Variants in SGCD observed in about 807,000 individuals in gnomAD.
The protein encoded by SGCD is sarcoglycan delta, also known as delta-sarcoglycan.
SGCD carries 18 observed loss-of-function variants against 36.6 expected under a neutral mutation model. The observed-to-expected ratio is 0.49, with a 90% confidence interval of 0.34 to 0.73. The LOEUF (loss-of-function observed/expected upper bound fraction) is 0.73. Among genes scored for constraint, SGCD ranks in the 30% least tolerant of loss-of-function variants. SGCD has a pLI of 0.01. For missense variants in SGCD, 387 were observed against 346.7 expected (o/e 1.12, Z -0.92); for synonymous variants, 133 against 130.6 (o/e 1.02, Z -0.12).
intron 6 of SGCD, among the ~76,000 whole-genome samples, chr5:156,606,104 A>C (rs983912891): frequency 3.3e-5 from 5 of 152,198 alleles, no homozygotes. Flanking sequence ...GGTGTTTTAG[A>C]CATGAAGTCC....
At chr5:155,812,094 A>G in the SGCD span, among the ~76,000 whole-genome samples, 4 of 152,228 alleles carry the variant, frequency 2.6e-5, no homozygotes. Flanking sequence ...TGGAAACAGG[A>G]CGTGAAGCTA....
chr5:156,483,412 A>G (rs1311820184), intron 3 of SGCD, among the ~76,000 whole-genome samples: 1 of 152,168 alleles, frequency 6.6e-6, no homozygotes, highest in Admixed American at 6.5e-5. Context: ...CCCAAGGTTG[A>G]GGGGAGAGAA....
chr5:155,918,875 G>A (rs953616296), intron 1 of SGCD, among the ~76,000 whole-genome samples: 8 of 152,140 alleles, frequency 5.3e-5, no homozygotes, highest in African/African-American at 1.9e-4. Flanking sequence ...GCTTCATAAA[G>A]AATATGTGTA....
intron 2 of SGCD, among the ~76,000 whole-genome samples, chr5:156,335,675 C>A (rs140948337): frequency 0.013 from 1,947 of 152,282 alleles, 49 homozygotes; most frequent in African/African-American, 0.045. Flanking sequence ...GCCCTCCAAG[C>A]CTTCTATCCT....
At chr5:156,752,074 T>C (rs563714449) in intron 7 of SGCD, among the ~76,000 whole-genome samples, 1 of 152,270 alleles carries the variant, frequency 6.6e-6, no homozygotes, top group East Asian at 1.9e-4. Context: ...ATGGTAACAC[T>C]AGGGAAATGG....
chr5:156,260,572 A>T (rs1273180606), intron 3 of SGCD, among the ~76,000 whole-genome samples: 3 of 152,114 alleles, frequency 2.0e-5, no homozygotes, highest in Non-Finnish European at 2.9e-5. Flanking sequence ...TGCTAAATTT[A>T]CTTATTAGCT....
chr5:156,735,796 C>T (rs1183526271), intron 7 of SGCD, among the ~76,000 whole-genome samples: 1 of 152,168 alleles, frequency 6.6e-6, no homozygotes, highest in Admixed American at 6.5e-5. Flanking sequence ...GTCTAACCTC[C>T]TGCTTTGCCA....
chr5:156,648,204 C>T (rs1001211759), intron 7 of SGCD, among the ~76,000 whole-genome samples: 1 of 151,306 alleles, frequency 6.6e-6, no homozygotes, highest in Non-Finnish European at 1.5e-5. Flanking sequence ...ACAAATAGAA[C>T]TATTCTTTCT....
the SGCD span, among the ~76,000 whole-genome samples, chr5:155,765,307 AAAGG>A: frequency 5.3e-5 from 8 of 150,908 alleles, no homozygotes; most frequent in South Asian, 2.1e-4. Flanking sequence ...AAAGAAAGAA[AAAGG>A]AAGGAAGGAA....
At chr5:156,551,126 C>A (rs1758775312) in intron 4 of SGCD, among the ~76,000 whole-genome samples, 1 of 152,188 alleles carries the variant, frequency 6.6e-6, no homozygotes, top group African/African-American at 2.4e-5. Context: ...ACAGTCATCT[C>A]TTACCTCAAG....
intron 6 of SGCD, among the ~76,000 whole-genome samples, chr5:156,611,446 C>T (rs1014960745): frequency 2.6e-5 from 4 of 152,138 alleles, no homozygotes; most frequent in African/African-American, 9.7e-5. Flanking sequence ...TTCTACCCTG[C>T]CCTGCAAGGT....
chr5:156,597,992 G>T (rs543355274), intron 6 of SGCD, among the ~76,000 whole-genome samples: 1 of 152,202 alleles, frequency 6.6e-6, no homozygotes, highest in East Asian at 1.9e-4. Flanking sequence ...CCCTATACTT[G>T]CTGTGGCCTC....
intron 1 of SGCD, among the ~76,000 whole-genome samples, chr5:156,084,015 C>G (rs955103599): frequency 1.3e-5 from 2 of 152,046 alleles, no homozygotes; most frequent in African/African-American, 2.4e-5. Context: ...TACAGTAAAC[C>G]TTAATATGAT....
chr5:156,606,239 G>A (rs966300393), intron 6 of SGCD, among the ~76,000 whole-genome samples: 1 of 152,172 alleles, frequency 6.6e-6, no homozygotes, highest in African/African-American at 2.4e-5. Flanking sequence ...CTAAGGAAGG[G>A]ATCCAGTTTC....
intron 3 of SGCD, among the ~76,000 whole-genome samples, chr5:156,309,473 T>G (rs1208044380): frequency 1.3e-5 from 2 of 152,048 alleles, no homozygotes; most frequent in Admixed American, 6.5e-5. Context: ...ATTTCAGGTA[T>G]TATACATTTC....
At chr5:155,863,037 A>G in the SGCD span, among the ~76,000 whole-genome samples, 1 of 152,202 alleles carries the variant, frequency 6.6e-6, no homozygotes, top group South Asian at 2.1e-4. Context: ...GTTTCAAGAG[A>G]AGCTTTGAAA....
chr5:156,039,546 A>G (rs1268765500), intron 1 of SGCD, among the ~76,000 whole-genome samples: 1 of 152,188 alleles, frequency 6.6e-6, no homozygotes, highest in Non-Finnish European at 1.5e-5. Flanking sequence ...GTAGATATTT[A>G]AACTATCTGT....
the SGCD span, among the ~76,000 whole-genome samples, chr5:155,835,160 C>G: frequency 0.018 from 2,666 of 151,704 alleles, 30 homozygotes; most frequent in Middle Eastern, 0.041. Context: ...AGGCGCCCAC[C>G]ACCATGCCTG....
chr5:156,417,323 C>A (rs1203369556), intron 3 of SGCD, among the ~76,000 whole-genome samples: 1 of 152,122 alleles, frequency 6.6e-6, no homozygotes, highest in Non-Finnish European at 1.5e-5. Context: ...CCTCTCTAGT[C>A]ATTAATAAAT....
Sources: allele counts gnomAD v4.1 joint callset (sites outside exome capture counted in the v4.1 genomes callset), GRCh38; gene constraint gnomAD v4.1.1; transcripts MANE v1.5; gene names NCBI Gene and HGNC (gene_info 2026-07-23, HGNC 2026-07-21).